Variants in CPAMD8 observed in about 807,000 individuals in gnomAD.
CPAMD8 encodes C3 and PZP like alpha-2-macroglobulin domain containing 8.
In CPAMD8, 146 loss-of-function variants were observed where a neutral mutation model predicts 224.7. The observed-to-expected ratio is 0.65, with a 90% CI of 0.57 to 0.75. The LOEUF (loss-of-function observed/expected upper bound fraction) is 0.75, where lower values mean the gene tolerates loss of function less well. CPAMD8 is among the 30% of genes least tolerant of loss of function. The pLI is 0.00. For synonymous variants in CPAMD8, 966 were observed against 1,044.6 expected (o/e 0.92, Z 1.45); for missense variants, 2,301 against 2,537.5 (o/e 0.91, Z 2.00).
chr19:17,019,938 C>T (rs761282511), intron 3 of CPAMD8, among the ~76,000 whole-genome samples: 2 of 149,616 alleles, frequency 1.3e-5, no homozygotes, highest in African/African-American at 2.5e-5. Context: ...TCTCTTATTC[C>T]ATCCCAATTC....
At chr19:16,945,392 G>A (rs2054035874) in intron 22 of CPAMD8, among the ~76,000 whole-genome samples, 157 bp downstream of exon 22, 1 of 152,192 alleles carries the variant, frequency 6.6e-6, no homozygotes, top group South Asian at 2.1e-4. Flanking sequence ...TAACAAGGAA[G>A]TACCCGAAAG....
At chr19:16,958,056 G>T in intron 18 of CPAMD8, 141 bp from the exon 19 acceptor site, 2 of 705,502 alleles carry the variant, frequency 2.8e-6, no homozygotes, top group Non-Finnish European at 4.8e-6. Context: ...TACTTCACTG[G>T]GATATAACAT....
At chr19:16,935,154 T>C (rs1383277470) in intron 23 of CPAMD8, among the ~76,000 whole-genome samples, 1 of 152,224 alleles carries the variant, frequency 6.6e-6, no homozygotes, top group Non-Finnish European at 1.5e-5. Flanking sequence ...TTATAAATAA[T>C]TCAGAGAGCT....
intron 21 of CPAMD8, among the ~76,000 whole-genome samples, chr19:16,946,094 T>C (rs1217983602): frequency 6.6e-6 from 1 of 152,104 alleles, no homozygotes; most frequent in East Asian, 1.9e-4. Flanking sequence ...TGTATATGCA[T>C]GTGTGTATGT....
At chr19:16,956,346 G>A (rs555974793) in intron 19 of CPAMD8, among the ~76,000 whole-genome samples, 3 of 152,216 alleles carry the variant, frequency 2.0e-5, no homozygotes, top group Admixed American at 2.0e-4. Flanking sequence ...CCTACATTGA[G>A]GACCCTCTCT....
chr19:16,984,859 A>G (rs1162793137), intron 13 of CPAMD8, among the ~76,000 whole-genome samples: 1 of 152,222 alleles, frequency 6.6e-6, no homozygotes, highest in Non-Finnish European at 1.5e-5. Context: ...GTACATACAC[A>G]TGGGTGAGCA....
At chr19:16,989,800 C>T (rs2055875752) in intron 12 of CPAMD8, 29 bp from the exon 13 acceptor site, 4 of 1,610,904 alleles carry the variant, frequency 2.5e-6, no homozygotes, top group African/African-American at 2.7e-5. Flanking sequence ...TAGATCAACA[C>T]CCGAGTGCCA....
Position 16,928,089 on chromosome 19 carries a change from T to C in CPAMD8, c.3290A>G (p.Glu1097Gly), listed in dbSNP as rs755199988. The C allele has an allele frequency of 6.2e-7, 1 of 1,614,046 alleles. No homozygotes were observed. Among genetic ancestry groups the C allele is most frequent in the South Asian group, 1.1e-5 (1 of 91,090 alleles). Residue 1097 changes from glutamate (E) to glycine (G), a missense_variant, in exon 25 of 42, where the codon GAG (glutamate) becomes GGG (glycine). Transcript: ENST00000443236. The part of the protein sequence containing the change: ...FRIWRKMEVD[E>G]SYSEAFTLGV... ...CAGGGTGAAGGCCTCGCTGTAGCTC[T>C]CGTCCACCTCCATCTTCCTCCAGAT...
chr19:16,989,817 G>T, intron 12 of CPAMD8, 46 bp from the exon 13 acceptor site: 1 of 1,593,622 alleles, frequency 6.3e-7, no homozygotes, highest in Non-Finnish European at 8.6e-7. Context: ...GCCAAGAGCA[G>T]AAAGGGGGTC....
At chr19:16,949,592 C>A (rs1411038311) in intron 20 of CPAMD8, among the ~76,000 whole-genome samples, 1 of 152,200 alleles carries the variant, frequency 6.6e-6, no homozygotes, top group Non-Finnish European at 1.5e-5. Flanking sequence ...TGCCTCCTTG[C>A]CTCTTGCCTA....
At chr19:16,986,115 A>G (rs1004349271) in intron 13 of CPAMD8, among the ~76,000 whole-genome samples, 10 of 152,108 alleles carry the variant, frequency 6.6e-5, no homozygotes, top group African/African-American at 1.9e-4. Context: ...CCATTCACCA[A>G]GCAAAACAGG....
rs758169336 is a variant in CPAMD8 at position 16,903,605 on chromosome 19, C to T, written c.4426G>A (p.Gly1476Arg). The change falls in exon 34 of 42, where the codon GGG (glycine) becomes AGG (arginine). Residue 1476 changes from glycine to arginine, a missense_variant. Transcript: ENST00000443236. The part of the protein sequence containing the change: ...QTAAIPSLPT[G>R]LFVSAKGDGC... Reference sequence around the variant, plus strand: ...TCCCCCTTGGCACTCACAAACAGCCCCGTGGGGAGGCTGGGGATCTGGAGA... The same window carrying T: ...TCCCCCTTGGCACTCACAAACAGCCTCGTGGGGAGGCTGGGGATCTGGAGA... The T allele has an allele frequency of 6.2e-7, 1 of 1,614,084 alleles. No homozygotes were observed. Among genetic ancestry groups the T allele is most frequent in the Admixed American group, 1.7e-5 (1 of 60,006 alleles).
intron 2 of CPAMD8, among the ~76,000 whole-genome samples, chr19:17,021,195 A>G (rs1380395596): frequency 2.0e-5 from 3 of 152,194 alleles, no homozygotes. Context: ...GGTTGCATCA[A>G]GAGGTAGGGG....
At position 16,898,149 on chromosome 19, in the gene CPAMD8, T is replaced by C. The variant is rs926658274; in HGVS notation, c.4849-155A>G. 26 of 596,646 alleles carry C rather than the reference T, an allele frequency of 4.4e-5. No homozygotes were observed. Among genetic ancestry groups the C allele is most frequent in the South Asian group, 6.4e-5 (3 of 47,128 alleles). 37.0% of individuals were successfully genotyped at this position (596,646 alleles called of 1,614,324 possible). Reference sequence around the variant, plus strand: ...TCTTTTTTTCTTTTACTTTTCTTTTTTTTTTTTTTTCCTGAGACAGAGTCT... The same window carrying C: ...TCTTTTTTTCTTTTACTTTTCTTTTCTTTTTTTTTTCCTGAGACAGAGTCT... On this transcript the variant is annotated intron_variant, in intron 37 of 41. Coordinates refer to ENST00000443236, the MANE Select transcript of CPAMD8 (RefSeq NM_015692.5). This position sits in a 1 kb window ranked among gnomAD's most constrained non-coding sequence, Gnocchi z 4.2.
intron 8 of CPAMD8, among the ~76,000 whole-genome samples, chr19:17,003,652 C>T (rs1049371251): frequency 6.6e-6 from 1 of 151,320 alleles, no homozygotes; most frequent in African/African-American, 2.4e-5. Context: ...GTGGCTCACA[C>T]TTGTAGTCCC....
rs768430988 is a variant in CPAMD8 at position 16,903,706 on chromosome 19, G to T, written c.4403C>A (p.Ala1468Glu). Residue 1468 changes from alanine to glutamate, a missense_variant, in exon 33 of 42, where the codon GCA (alanine) becomes GAA (glutamate). Around this residue, in one of 4 missense-constraint regions of CPAMD8, gnomAD observed 1,709 missense variants for 1,753.2 expected, o/e 0.97. Coordinates refer to ENST00000443236, the MANE Select transcript of CPAMD8 (RefSeq NM_015692.5). ...HRTNQKVLQT[A>E]AIPSLPTGLF... ...CCTCATCCCAGGAACACGCACCGCT[G>T]CTGTCTGCAGAACCTTCTGGTTGGT... 6.8e-6 allele frequency: 11 copies of T among 1,614,014 alleles called. No individual in the cohort carries two copies. The Admixed American group carries it at 1.5e-4, about 22-fold the overall frequency.
intron 29 of CPAMD8, among the ~76,000 whole-genome samples, chr19:16,911,231 C>G (rs907454598): frequency 6.6e-6 from 1 of 152,172 alleles, no homozygotes; most frequent in Non-Finnish European, 1.5e-5. Flanking sequence ...CAGCCACTCC[C>G]TATCGCTTGT....
intron 20 of CPAMD8, among the ~76,000 whole-genome samples, chr19:16,949,676 C>T (rs2054237064): frequency 6.6e-6 from 1 of 152,196 alleles, no homozygotes; most frequent in Non-Finnish European, 1.5e-5. Context: ...TGACCAGACC[C>T]CAAAGCCAAG....
intron 14 of CPAMD8, among the ~76,000 whole-genome samples, chr19:16,979,823 C>T (rs1250730193): frequency 6.6e-6 from 1 of 152,202 alleles, no homozygotes; most frequent in African/African-American, 2.4e-5. Flanking sequence ...TCCTGCCTAT[C>T]TATCTATCCA....
Sources: gnomAD v4.1 joint callset for allele counts (sites outside exome capture counted in the v4.1 genomes callset) on GRCh38, gnomAD v4.1.1 for gene constraint, gnomAD v4.1.1 regional missense constraint, Gnocchi (gnomAD v3.1) non-coding constraint, MANE v1.5 for transcripts, NCBI Gene and HGNC (gene_info 2026-07-23, HGNC 2026-07-21) for gene names.